PRKG1: variants seen among roughly 807,000 people sequenced by gnomAD.
The protein encoded by PRKG1 is cGMP-dependent protein kinase 1.
In PRKG1, 35 loss-of-function variants were observed where a neutral mutation model predicts 88.1. The ratio of observed to expected loss-of-function variants is 0.40; its 90% CI spans 0.30 to 0.53. The LOEUF is 0.53. Ranked by LOEUF, PRKG1 falls within the 20% of genes least tolerant of loss-of-function variation. The probability of loss-of-function intolerance (pLI) is 0.59; values close to 1 mark genes in which losing one functional copy is unlikely to be tolerated. For synonymous variants in PRKG1, 303 were observed against 292.5 expected (o/e 1.04, Z -0.37); for missense variants, 540 against 839.8 (o/e 0.64, Z 4.41).
chr10:52,129,638 G>A (rs1273553953), intron 7 of PRKG1, among the ~76,000 whole-genome samples: 1 of 152,146 alleles, frequency 6.6e-6, no homozygotes, highest in Non-Finnish European at 1.5e-5. Flanking sequence ...GCCATTGAAT[G>A]AGCTTGGCGA....
intron 3 of PRKG1, among the ~76,000 whole-genome samples, chr10:51,739,918 G>C (rs1311622138): frequency 6.6e-6 from 1 of 152,212 alleles, no homozygotes; most frequent in East Asian, 1.9e-4. Context: ...TCCAGCCTGG[G>C]TGACGGAGCA....
chr10:51,446,941 G>C (rs1004201467), intron 2 of PRKG1, among the ~76,000 whole-genome samples: 2 of 152,022 alleles, frequency 1.3e-5, no homozygotes, highest in African/African-American at 4.8e-5. Flanking sequence ...CCATGATAAA[G>C]AGAAAAGCCT....
intron 2 of PRKG1, among the ~76,000 whole-genome samples, chr10:51,246,466 T>C (rs1839293466): frequency 6.6e-6 from 1 of 151,990 alleles, no homozygotes; most frequent in Non-Finnish European, 1.5e-5. Context: ...TTTTCACATA[T>C]TGTCTGTGAC....
intron 2 of PRKG1, among the ~76,000 whole-genome samples, chr10:51,464,061 G>A (rs1839814918): frequency 6.6e-6 from 1 of 152,080 alleles, no homozygotes; most frequent in Non-Finnish European, 1.5e-5. Context: ...CACGAGATCA[G>A]GAGATCGAGA....
chr10:52,072,409 T>G (rs1054654720), intron 7 of PRKG1, among the ~76,000 whole-genome samples: 8 of 151,994 alleles, frequency 5.3e-5, no homozygotes, highest in Non-Finnish European at 1.2e-4. Context: ...ATTCTCCTCT[T>G]CAGGATTTAT....
At chr10:51,147,165 G>T (rs1274586465) in intron 1 of PRKG1, among the ~76,000 whole-genome samples, 1 of 152,064 alleles carries the variant, frequency 6.6e-6, no homozygotes, top group East Asian at 1.9e-4. Context: ...CTGAAGGGTT[G>T]GTTAATGGAT....
chr10:51,997,701 A>G (rs1362250968), intron 5 of PRKG1, among the ~76,000 whole-genome samples: 1 of 152,208 alleles, frequency 6.6e-6, no homozygotes, highest in African/African-American at 2.4e-5. Flanking sequence ...ATACATACAT[A>G]CAATTTTAGT....
At chr10:51,188,533 T>C (rs1291065530) in intron 2 of PRKG1, among the ~76,000 whole-genome samples, 1 of 151,972 alleles carries the variant, frequency 6.6e-6, no homozygotes, top group East Asian at 1.9e-4. Flanking sequence ...CAGCTTTTTA[T>C]TTTTTCAAGA....
intron 3 of PRKG1, among the ~76,000 whole-genome samples, chr10:51,605,448 G>A (rs7077665): frequency 0.21 from 32,217 of 152,120 alleles, 3,784 homozygotes; most frequent in Middle Eastern, 0.29. Flanking sequence ...GTTGCTTTCT[G>A]CCTTATCCTG....
chr10:52,116,374 A>G (rs368163673), intron 7 of PRKG1, among the ~76,000 whole-genome samples: 5 of 152,286 alleles, frequency 3.3e-5, no homozygotes, highest in Non-Finnish European at 7.4e-5. Context: ...TAGTTGCTAA[A>G]TCTAGCAACC....
intron 5 of PRKG1, among the ~76,000 whole-genome samples, chr10:51,999,433 G>A (rs1033781287): frequency 1.3e-5 from 2 of 152,190 alleles, no homozygotes; most frequent in Non-Finnish European, 1.5e-5. Context: ...TCGTAGGGAT[G>A]TTTTAGGGTT....
intron 4 of PRKG1, among the ~76,000 whole-genome samples, chr10:51,885,418 C>T: frequency 6.6e-6 from 1 of 152,206 alleles, no homozygotes; most frequent in Non-Finnish European, 1.5e-5. Flanking sequence ...AAGGTTTCTG[C>T]AAAATGCAAT....
intron 7 of PRKG1, among the ~76,000 whole-genome samples, chr10:52,081,366 G>A (rs1846770443): frequency 6.6e-6 from 1 of 151,916 alleles, no homozygotes; most frequent in Admixed American, 6.6e-5. Context: ...TACCATGCAG[G>A]GTTCATATAA....
intron 1 of PRKG1, among the ~76,000 whole-genome samples, chr10:51,097,748 A>G (rs973654007): frequency 3.3e-5 from 5 of 152,150 alleles, no homozygotes; most frequent in South Asian, 2.1e-4. Flanking sequence ...CCTGATAGAC[A>G]TAGAACTTCA....
chr10:52,008,053 G>A (rs1844783953), intron 5 of PRKG1, among the ~76,000 whole-genome samples: 1 of 152,122 alleles, frequency 6.6e-6, no homozygotes, highest in East Asian at 1.9e-4. Context: ...AATTAAGGCA[G>A]AAATCAAGAA....
At chr10:51,913,307 G>A (rs1330360878) in intron 5 of PRKG1, among the ~76,000 whole-genome samples, 1 of 152,142 alleles carries the variant, frequency 6.6e-6, no homozygotes, top group Admixed American at 6.6e-5. Flanking sequence ...TTTAGGGAAT[G>A]GATCTTGTCA....
At chr10:51,117,198 G>A (rs1197803013) in intron 1 of PRKG1, among the ~76,000 whole-genome samples, 1 of 152,126 alleles carries the variant, frequency 6.6e-6, no homozygotes, top group Non-Finnish European at 1.5e-5. Flanking sequence ...CTTAAACACA[G>A]CACAGCATGG....
intron 7 of PRKG1, chr10:52,081,698 G>A (rs1198926507): frequency 4.4e-6 from 2 of 456,488 alleles, no homozygotes; most frequent in Non-Finnish European, 8.8e-6. Flanking sequence ...GATGACGAGA[G>A]CTCAGGATAA....
chr10:51,847,951 G>C (rs12770320), intron 4 of PRKG1, among the ~76,000 whole-genome samples: 10,683 of 137,042 alleles, frequency 0.078, 488 homozygotes, highest in Middle Eastern at 0.2. Flanking sequence ...TAAATATACT[G>C]TTCTATGCAT....
Sources: allele counts gnomAD v4.1 joint callset (sites outside exome capture counted in the v4.1 genomes callset), GRCh38; gene constraint gnomAD v4.1.1; transcripts MANE v1.5; gene names NCBI Gene and HGNC (gene_info 2026-07-23, HGNC 2026-07-21).